SMYD3: variants seen among roughly 807,000 people sequenced by gnomAD.
SMYD3 encodes SET and MYND domain containing 3.
Under a neutral mutation model 57.7 loss-of-function variants are expected in SMYD3, and 36 were observed. That is an observed-to-expected ratio of 0.62 (90% CI 0.48 to 0.82). The LOEUF (loss-of-function observed/expected upper bound fraction) is 0.82. Ranked by LOEUF, SMYD3 falls within the 40% of genes least tolerant of loss-of-function variation. SMYD3 has a pLI of 0.00. For synonymous variants in SMYD3, 211 were observed against 195.0 expected (o/e 1.08, Z -0.68); for missense variants, 515 against 538.8 (o/e 0.96, Z 0.44).
At chr1:246,067,332 C>T (rs1378748468) in intron 5 of SMYD3, among the ~76,000 whole-genome samples, 1 of 152,150 alleles carries the variant, frequency 6.6e-6, no homozygotes, top group African/African-American at 2.4e-5. Context: ...GGAGCTGGAA[C>T]TATCTAATGG....
intron 5 of SMYD3, among the ~76,000 whole-genome samples, chr1:246,201,849 C>A (rs904058309): frequency 3.3e-5 from 5 of 151,970 alleles, no homozygotes; most frequent in Non-Finnish European, 7.4e-5. Flanking sequence ...CCTGTCTCTA[C>A]TAAAAGTATA....
intron 5 of SMYD3, among the ~76,000 whole-genome samples, chr1:246,159,821 G>T (rs566221563): frequency 5.0e-4 from 76 of 152,084 alleles, no homozygotes; most frequent in African/African-American, 1.7e-3. Context: ...GGAGTGGGGG[G>T]AGTACTTTTT....
At chr1:246,327,830 G>T (rs1161200248) in intron 4 of SMYD3, among the ~76,000 whole-genome samples, 5 of 152,140 alleles carry the variant, frequency 3.3e-5, no homozygotes, top group Admixed American at 2.6e-4. Flanking sequence ...TTGTCATATG[G>T]CTAGTACATC....
At position 246,208,128 on chromosome 1, in the gene SMYD3, G is replaced by A. The variant is rs572037698; in HGVS notation, c.531+119073C>T. On this transcript the variant is annotated intron_variant, in intron 5 of 11. Coordinates refer to ENST00000490107, the MANE Select transcript of SMYD3 (RefSeq NM_001167740.2). ...ATATGATGTAAGACAATTTTAGAAT[G>A]ATAGTTATTATCTCATAGGCTAAAT... 2.0e-5 allele frequency among the ~76,000 whole-genome samples: 3 copies of A among 152,256 alleles called. 1 individual carries two copies. Among genetic ancestry groups the A allele is most frequent in the African/African-American group, 7.2e-5 (3 of 41,510 alleles).
intron 1 of SMYD3, among the ~76,000 whole-genome samples, chr1:246,424,999 C>T (rs748686052): frequency 2.0e-5 from 3 of 151,988 alleles, no homozygotes; most frequent in Non-Finnish European, 4.4e-5. Flanking sequence ...TTCATATTGG[C>T]GGAGATAAAT....
intron 5 of SMYD3, among the ~76,000 whole-genome samples, chr1:246,110,302 G>A (rs1021862877): frequency 1.3e-5 from 2 of 152,164 alleles, no homozygotes; most frequent in African/African-American, 4.8e-5. Flanking sequence ...AGTTCATTTA[G>A]ATGATCTCTT....
At chr1:245,969,636 C>T (rs540266843) in intron 5 of SMYD3, among the ~76,000 whole-genome samples, 6 of 152,334 alleles carry the variant, frequency 3.9e-5, no homozygotes, top group South Asian at 2.1e-4. Flanking sequence ...GCCAGGAACA[C>T]GGATTCCTCT....
chr1:245,996,034 T>C (rs2058923170), intron 5 of SMYD3, among the ~76,000 whole-genome samples: 1 of 152,226 alleles, frequency 6.6e-6, no homozygotes, highest in Non-Finnish European at 1.5e-5. Context: ...CTGAGTTTTA[T>C]ACCCATTATA....
intron 5 of SMYD3, among the ~76,000 whole-genome samples, chr1:246,197,850 A>G (rs1471424608): frequency 6.6e-6 from 1 of 152,218 alleles, no homozygotes; most frequent in Non-Finnish European, 1.5e-5. Flanking sequence ...ATTTTGCTGT[A>G]TATCTACACT....
At chr1:245,766,644 G>A (rs2046118147) in intron 10 of SMYD3, among the ~76,000 whole-genome samples, 2 of 152,136 alleles carry the variant, frequency 1.3e-5, no homozygotes, top group African/African-American at 2.4e-5. Flanking sequence ...CACTTTCCTT[G>A]AAAAGCACGC....
chr1:246,307,691 C>T (rs574569781), intron 5 of SMYD3, among the ~76,000 whole-genome samples: 20 of 152,168 alleles, frequency 1.3e-4, no homozygotes, highest in Admixed American at 3.9e-4. Flanking sequence ...AGTGCTGGGA[C>T]TACAGGCGTG....
At chr1:246,316,976 A>G (rs1179043216) in intron 5 of SMYD3, among the ~76,000 whole-genome samples, 27 of 151,370 alleles carry the variant, frequency 1.8e-4, no homozygotes, top group Non-Finnish European at 4.4e-5. Flanking sequence ...GCCTGGTGAC[A>G]AAGTGAGACT....
chr1:246,431,790 T>G (rs563824735), intron 1 of SMYD3, among the ~76,000 whole-genome samples: 1 of 152,130 alleles, frequency 6.6e-6, no homozygotes, highest in African/African-American at 2.4e-5. Context: ...TACAAATTAC[T>G]CTCCATTTCT....
At chr1:246,059,640 C>A (rs12035618) in intron 5 of SMYD3, among the ~76,000 whole-genome samples, 3,025 of 152,216 alleles carry the variant, frequency 0.02, 142 homozygotes, top group East Asian at 0.16. Flanking sequence ...AGAAAAAAAA[C>A]CATTCCTTTC....
chr1:245,911,918 A>C (rs2055021195), intron 8 of SMYD3, among the ~76,000 whole-genome samples: 1 of 152,142 alleles, frequency 6.6e-6, no homozygotes, highest in Admixed American at 6.5e-5. Context: ...TTTTGAGGAG[A>C]TGGATCTCCC....
intron 8 of SMYD3, among the ~76,000 whole-genome samples, chr1:245,877,493 G>A (rs192470739): frequency 4.9e-4 from 75 of 152,308 alleles, no homozygotes; most frequent in Admixed American, 3.9e-3. Flanking sequence ...GACTGAAGGC[G>A]GAAGGTGTTA....
intron 5 of SMYD3, among the ~76,000 whole-genome samples, chr1:246,256,205 T>A (rs1484951476): frequency 2.0e-5 from 3 of 152,146 alleles, no homozygotes; most frequent in African/African-American, 7.2e-5. Flanking sequence ...GCTGGGAGGC[T>A]AGGCCTGTCT....
intron 5 of SMYD3, among the ~76,000 whole-genome samples, chr1:246,238,465 AT>A (rs1188919710): frequency 3.9e-5 from 6 of 152,146 alleles, no homozygotes; most frequent in African/African-American, 1.4e-4. Context: ...TTCTCAGTTG[AT>A]TTTTGGAGAC....
intron 2 of SMYD3, among the ~76,000 whole-genome samples, chr1:246,338,818 C>T (rs868023043): frequency 6.6e-6 from 1 of 152,174 alleles, no homozygotes; most frequent in Admixed American, 6.5e-5. Flanking sequence ...ATGGGAGTGA[C>T]GCCTATCTTG....
Sources: allele counts gnomAD v4.1 joint callset (sites outside exome capture counted in the v4.1 genomes callset), GRCh38; gene constraint gnomAD v4.1.1; transcripts MANE v1.5; gene names NCBI Gene and HGNC (gene_info 2026-07-23, HGNC 2026-07-21).